UGT1A8: variants seen among roughly 807,000 people sequenced by gnomAD.
The protein encoded by UGT1A8 is UDP-glucuronosyltransferase 1A8.
UGT1A8 carries 39 observed loss-of-function variants against 45.3 expected under a neutral mutation model. That is an observed-to-expected ratio of 0.86 (90% CI 0.67 to 1.12). UGT1A8 has a LOEUF of 1.12. UGT1A8 is among the 50% of genes most tolerant of loss of function. The pLI is 0.00. For missense variants in UGT1A8, 719 were observed against 664.9 expected, an observed-to-expected ratio of 1.08 and a Z score of -0.90; for synonymous variants, 275 against 249.2, an observed-to-expected ratio of 1.10 and a Z score of -0.97.
At chr2:233,705,768 G>C (rs753829287) in intron 1 of UGT1A8, among the ~76,000 whole-genome samples, 1 of 152,178 alleles carries the variant, frequency 6.6e-6, no homozygotes, top group Non-Finnish European at 1.5e-5. Flanking sequence ...TGCATACTTT[G>C]AGTGTCTTAG....
chr2:233,713,255 A>T (rs1242833896), intron 1 of UGT1A8: 5 of 1,614,152 alleles, frequency 3.1e-6, no homozygotes, highest in Non-Finnish European at 4.2e-6. Flanking sequence ...CCCAGGACGA[A>T]TTTGATCGCC....
At chr2:233,651,100 A>G (rs2073728722) in intron 1 of UGT1A8, among the ~76,000 whole-genome samples, 1 of 152,228 alleles carries the variant, frequency 6.6e-6, no homozygotes, top group South Asian at 2.1e-4. Context: ...CATGGCTTTC[A>G]GCTCTTGGCA....
intron 1 of UGT1A8, chr2:233,718,914 T>A: frequency 6.2e-7 from 1 of 1,614,066 alleles, no homozygotes; most frequent in Non-Finnish European, 8.5e-7. Context: ...TGGAAAGGTG[T>A]TGGTGGTGCC....
rs760166727 is a variant in UGT1A8 at position 233,760,242 on chromosome 2, A to G, written c.856-6792A>G. ...ATCGATTGGTTTTTGCCATATATAT[A>G]TATATAAGTAGGAGAGGGCGAACCT... On this transcript the variant is annotated intron_variant, in intron 1 of 4. Coordinates refer to ENST00000373450, the MANE Select transcript of UGT1A8 (RefSeq NM_019076.5). The G allele has an allele frequency of 7.2e-5, 116 of 1,607,556 alleles. 3 individuals carry two copies. The Admixed American group carries it at 1.9e-3, about 26-fold the overall frequency.
At chr2:233,652,883 T>C (rs2125478285) in intron 1 of UGT1A8, among the ~76,000 whole-genome samples, 1 of 152,352 alleles carries the variant, frequency 6.6e-6, no homozygotes, top group Middle Eastern at 3.4e-3. Context: ...GGGGAAGTAT[T>C]TATGACCCAG....
chr2:233,637,680 T>C (rs1339935092), intron 1 of UGT1A8, among the ~76,000 whole-genome samples: 1 of 152,216 alleles, frequency 6.6e-6, no homozygotes, highest in Non-Finnish European at 1.5e-5. Flanking sequence ...TTTTTGTTAA[T>C]TCTATGTGAC....
rs536507218 is a variant in UGT1A8, at chr2:233,652,516, T to C, written c.855+33954T>C. Among the ~76,000 whole-genome samples, 192 of 152,344 alleles carry C rather than the reference T, an allele frequency of 1.3e-3. 1 individual carries two copies. The highest frequency in any genetic ancestry group is 1.9e-3 in the Non-Finnish European group (128 of 68,028). On this transcript the variant is annotated intron_variant, in intron 1 of 4. Coordinates refer to ENST00000373450, the MANE Select transcript of UGT1A8 (RefSeq NM_019076.5). ...AAGGAAAAAAGGAAAATTTGTTACA[T>C]AGCCACAATATCATTATCATTCCTC...
At chr2:233,700,536 A>T (rs2075571334) in intron 1 of UGT1A8, among the ~76,000 whole-genome samples, 1 of 152,216 alleles carries the variant, frequency 6.6e-6, no homozygotes, top group South Asian at 2.1e-4. Context: ...ACTCTAGGAG[A>T]ATGAGAATAA....
At chr2:233,726,040 C>A (rs906060755) in intron 1 of UGT1A8, among the ~76,000 whole-genome samples, 3 of 152,112 alleles carry the variant, frequency 2.0e-5, no homozygotes, top group Non-Finnish European at 4.4e-5. Flanking sequence ...ATGGCGCACA[C>A]CTGTGGTCCC....
intron 1 of UGT1A8, chr2:233,648,836 A>AT: frequency 1.8e-6 from 2 of 1,122,400 alleles, no homozygotes; most frequent in Non-Finnish European, 2.6e-6. Flanking sequence ...TTTTGCCCAT[A>AT]TTTTTTCAAA....
intron 1 of UGT1A8, among the ~76,000 whole-genome samples, chr2:233,762,246 C>T (rs569266202): frequency 2.4e-4 from 36 of 152,288 alleles, no homozygotes; most frequent in African/African-American, 8.2e-4. Flanking sequence ...ACAGAATAGG[C>T]ACCCACCGAA....
In UGT1A8 at chr2:233,769,623, G is replaced by A. The variant is rs1699907575; in HGVS notation, c.1295+1184G>A. The A allele has an allele frequency of 6.2e-7, 1 of 1,612,212 alleles. No homozygotes were observed. Among genetic ancestry groups the A allele is most frequent in the Non-Finnish European group, 8.5e-7 (1 of 1,179,652 alleles). On this transcript the variant is annotated intron_variant, in intron 4 of 4. Transcript: ENST00000373450. This position sits in a 1 kb window ranked among gnomAD's most constrained non-coding sequence, Gnocchi z 4.4. Reference sequence around the variant, plus strand: ...ACGGGGACACACCAGCTTGAGCAAGGGACAACAGGGGAGGACTGATGACTG... The same window carrying A: ...ACGGGGACACACCAGCTTGAGCAAGAGACAACAGGGGAGGACTGATGACTG...
At chr2:233,690,775 A>G in intron 1 of UGT1A8, 2 of 1,056,268 alleles carry the variant, frequency 1.9e-6, no homozygotes, top group South Asian at 3.6e-5. Context: ...ACACACACAC[A>G]TACACACACA....
intron 1 of UGT1A8, among the ~76,000 whole-genome samples, chr2:233,726,967 G>T (rs1400134709): frequency 6.6e-6 from 1 of 152,088 alleles, no homozygotes; most frequent in African/African-American, 2.4e-5. Flanking sequence ...AAGAGCAAAA[G>T]TTTTAGATTT....
chr2:233,677,231 C>T (rs1158558873), intron 1 of UGT1A8, among the ~76,000 whole-genome samples: 1 of 152,136 alleles, frequency 6.6e-6, no homozygotes, highest in Non-Finnish European at 1.5e-5. Context: ...AATGTACAGT[C>T]TTTCACATCC....
intron 1 of UGT1A8, chr2:233,690,562 G>A (rs1458201695): frequency 7.8e-7 from 1 of 1,289,358 alleles, no homozygotes; most frequent in Non-Finnish European, 1.0e-6. Flanking sequence ...CCAAGCCTGA[G>A]TCATTCAGCC....
In UGT1A8 at chr2:233,619,022, C is replaced by A. The variant is rs572654563; in HGVS notation, c.855+460C>A. On this transcript the variant is annotated intron_variant, in intron 1 of 4. Transcript: ENST00000373450. The stretch of plus-strand genomic sequence containing the variant: ...GTGTTTAGAAAAGTACCAAAAACCA[C>A]AGCAAGAAATGAAACTCCCCTTTTT... Among the ~76,000 whole-genome samples the A allele has an allele frequency of 3.3e-5, 5 of 152,172 alleles. No individual in the cohort carries two copies. The East Asian group carries it at 9.6e-4, about 29-fold the overall frequency.
Position 233,772,452 on chromosome 2 carries a change from G to A in UGT1A8, c.1486G>A (p.Val496Met), listed in dbSNP as rs199723856. 1.2e-4 allele frequency: 186 copies of A among 1,614,176 alleles called. No homozygotes were observed. The highest frequency in any genetic ancestry group is 1.5e-4 in the Non-Finnish European group (177 of 1,180,044). The change falls in exon 5 of 5, where the codon GTG becomes ATG. Residue 496 changes from valine (V) to methionine (M), a missense_variant. Physicochemically the swap from Val to Met is conservative, Grantham distance 21 (BLOSUM62 1). Transcript: ENST00000373450. The stretch of plus-strand genomic sequence containing the variant: ...CGTGATTGGTTTCCTCTTGGCCGTC[G>A]TGCTGACAGTGGCCTTCATCACCTT... ...LDVIGFLLAV[V>M]LTVAFITFKC...
chr2:233,672,439 G>A (rs372244167), intron 1 of UGT1A8: 39 of 1,613,606 alleles, frequency 2.4e-5, no homozygotes, highest in Admixed American at 3.3e-5. Flanking sequence ...CGTGGTCTTC[G>A]CCAGGGGAAT....
Sources: gnomAD v4.1 joint callset for allele counts (sites outside exome capture counted in the v4.1 genomes callset) on GRCh38, gnomAD v4.1.1 for gene constraint, Gnocchi (gnomAD v3.1) non-coding constraint, MANE v1.5 for transcripts, NCBI Gene and HGNC (gene_info 2026-07-23, HGNC 2026-07-21) for gene names.